LINGO2: variants seen among roughly 807,000 people sequenced by gnomAD.
LINGO2 encodes the protein leucine-rich repeat and immunoglobulin-like domain-containing nogo receptor-interacting protein 2.
Under a neutral mutation model 30.6 loss-of-function variants are expected in LINGO2, and 14 were observed. That is an observed-to-expected ratio of 0.46 (90% CI 0.30 to 0.72). The LOEUF is 0.72. Among genes scored for constraint, LINGO2 ranks in the 30% least tolerant of loss-of-function variants. The pLI, the probability that LINGO2 is intolerant of heterozygous loss-of-function variation, is 0.07. For synonymous variants in LINGO2, 317 were observed against 288.5 expected, an observed-to-expected ratio of 1.10 and a Z score of -1.00; for missense variants, 729 against 751.7, an observed-to-expected ratio of 0.97 and a Z score of 0.35.
the LINGO2 span, among the ~76,000 whole-genome samples, chr9:29,012,416 T>C: frequency 6.6e-5 from 10 of 152,230 alleles, no homozygotes; most frequent in African/African-American, 2.2e-4. Context: ...CTTAAACGGT[T>C]GCCTAAGTTC....
chr9:29,163,377 G>C, the LINGO2 span, among the ~76,000 whole-genome samples: 3 of 152,020 alleles, frequency 2.0e-5, no homozygotes, highest in African/African-American at 7.2e-5. Flanking sequence ...CTTTTATATA[G>C]GTTCCAGTCT....
chr9:28,384,602 T>C (rs1821501436), intron 2 of LINGO2, among the ~76,000 whole-genome samples: 1 of 152,018 alleles, frequency 6.6e-6, no homozygotes, highest in Non-Finnish European at 1.5e-5. Flanking sequence ...CAAATACGTC[T>C]GTCATGTTGG....
At chr9:28,310,763 TG>T (rs1260358687) in intron 3 of LINGO2, among the ~76,000 whole-genome samples, 11 of 152,178 alleles carry the variant, frequency 7.2e-5, no homozygotes, top group African/African-American at 2.7e-4. Flanking sequence ...AATAAACAAA[TG>T]GGATATAAGT....
chr9:28,484,639 G>GT lies in LINGO2; in HGVS notation c.-364-8615dup, dbSNP rs551935685. Among the ~76,000 whole-genome samples the GT allele has an allele frequency of 5.3e-5, 8 of 152,124 alleles. No individual in the cohort carries two copies. The South Asian group carries it at 1.5e-3, about 28-fold the overall frequency. ...CTCCTTTTAAAATACATTGAACACT[G>GT]TATGACATTTCTGGAGCTACTAGCA... is the stretch of plus-strand genomic sequence containing the variant. On this transcript the variant is annotated intron_variant, in intron 1 of 5. Coordinates refer to ENST00000379992, the Ensembl canonical transcript of LINGO2.
chr9:27,992,873 T>A (rs7034075), intron 5 of LINGO2, among the ~76,000 whole-genome samples: 36,359 of 151,998 alleles, frequency 0.24, 4,834 homozygotes, highest in African/African-American at 0.37. Flanking sequence ...CACAAAAGGA[T>A]ACTGACAGAC....
the LINGO2 span, among the ~76,000 whole-genome samples, chr9:28,936,948 T>A: frequency 6.6e-6 from 1 of 152,220 alleles, no homozygotes; most frequent in East Asian, 1.9e-4. Flanking sequence ...TTTCTCGATG[T>A]ATCCTCACAT....
chr9:28,436,544 G>C (rs1156310420), intron 2 of LINGO2, among the ~76,000 whole-genome samples: 1 of 151,822 alleles, frequency 6.6e-6, no homozygotes, highest in Non-Finnish European at 1.5e-5. Flanking sequence ...TGTAAGCTCC[G>C]CCTCCCGGGT....
chr9:28,626,133 T>G (rs889087094), intron 1 of LINGO2, among the ~76,000 whole-genome samples: 17 of 152,158 alleles, frequency 1.1e-4, no homozygotes, highest in African/African-American at 3.6e-4. Context: ...TTGCACAGTT[T>G]TATCTCACTG....
chr9:28,138,453 C>T lies in LINGO2; in HGVS notation c.-86-126048G>A, dbSNP rs1017547928. ...TTAAAAGTTTTAATTTTGCCCAGCT[C>T]ATCAAATGCAGAATTGACACATCTT... On this transcript the variant is annotated intron_variant, in intron 4 of 5. Coordinates refer to ENST00000379992, the Ensembl canonical transcript of LINGO2. 3.3e-5 allele frequency among the ~76,000 whole-genome samples: 5 copies of T among 152,192 alleles called. 1 individual carries two copies. Among genetic ancestry groups the T allele is most frequent in the Non-Finnish European group, 7.4e-5 (5 of 68,024 alleles).
chr9:28,174,614 T>C (rs1289987611), intron 4 of LINGO2, among the ~76,000 whole-genome samples: 2 of 152,116 alleles, frequency 1.3e-5, no homozygotes, highest in African/African-American at 4.8e-5. Context: ...ATGACTCTGA[T>C]TGAGGTCTAT....
At chr9:29,006,467 T>C in the LINGO2 span, among the ~76,000 whole-genome samples, 1 of 152,022 alleles carries the variant, frequency 6.6e-6, no homozygotes, top group African/African-American at 2.4e-5. Flanking sequence ...CATACAGACT[T>C]TTAAGAACTT....
intron 2 of LINGO2, among the ~76,000 whole-genome samples, chr9:28,380,158 G>A (rs79473559): frequency 0.019 from 2,895 of 152,056 alleles, 51 homozygotes; most frequent in East Asian, 0.056. Context: ...TTTGACTCCT[G>A]CCTTAAGAAA....
chr9:28,277,123 T>C (rs766963526), intron 4 of LINGO2, among the ~76,000 whole-genome samples: 88 of 152,332 alleles, frequency 5.8e-4, no homozygotes, highest in Non-Finnish European at 1.1e-3. Flanking sequence ...TAACCCTGTA[T>C]TGAGCAAGTT....
the LINGO2 span, among the ~76,000 whole-genome samples, chr9:29,000,706 T>A: frequency 6.6e-6 from 1 of 151,926 alleles, no homozygotes; most frequent in African/African-American, 2.4e-5. Flanking sequence ...TTTCCCACCA[T>A]TAAAAAAAAT....
At chr9:28,930,985 T>A in the LINGO2 span, among the ~76,000 whole-genome samples, 1 of 152,246 alleles carries the variant, frequency 6.6e-6, no homozygotes, top group Non-Finnish European at 1.5e-5. This position sits in a 1 kb window ranked among gnomAD's most constrained non-coding sequence, Gnocchi z 4.2. Flanking sequence ...ATTTTCCACA[T>A]GAGCCATTCC....
intron 4 of LINGO2, among the ~76,000 whole-genome samples, chr9:28,031,687 C>A (rs1045005379): frequency 6.6e-6 from 1 of 152,138 alleles, no homozygotes; most frequent in African/African-American, 2.4e-5. Flanking sequence ...CTGTCTGTGT[C>A]GGCTAAGCCG....
At chr9:28,467,041 G>GC (rs1170077853) in intron 2 of LINGO2, among the ~76,000 whole-genome samples, 2 of 150,654 alleles carry the variant, frequency 1.3e-5, no homozygotes, top group Admixed American at 6.6e-5. Flanking sequence ...TTTTTGGGGG[G>GC]GGGGGACGGA....
At chr9:28,210,600 C>T (rs1264790945) in intron 4 of LINGO2, among the ~76,000 whole-genome samples, 1 of 151,500 alleles carries the variant, frequency 6.6e-6, no homozygotes, top group African/African-American at 2.4e-5. Context: ...GCAGGAGCTG[C>T]ATGTGTGTAC....
At chr9:28,356,522 T>G (rs1160265645) in intron 3 of LINGO2, among the ~76,000 whole-genome samples, 1 of 152,124 alleles carries the variant, frequency 6.6e-6, no homozygotes, top group Non-Finnish European at 1.5e-5. Context: ...AATCATAAAA[T>G]TGCTGCTTTT....
Sources: gnomAD v4.1 joint callset for allele counts (sites outside exome capture counted in the v4.1 genomes callset) on GRCh38, gnomAD v4.1.1 for gene constraint, Gnocchi (gnomAD v3.1) non-coding constraint, MANE v1.5 for transcripts, NCBI Gene and HGNC (gene_info 2026-07-23, HGNC 2026-07-21) for gene names.